The following TEAD1 variants were observed in gnomAD, a reference collection of about 807,000 sequenced individuals.
TEAD1 encodes TEA domain transcription factor 1, also known as transcriptional enhancer factor TEF-1.
A neutral mutation model predicts 54.9 loss-of-function variants in TEAD1; 9 were observed. The ratio of observed to expected loss-of-function variants is 0.16; its 90% CI spans 0.10 to 0.29. TEAD1 has a LOEUF of 0.29. TEAD1 is among the 10% of genes least tolerant of loss of function. TEAD1 has a pLI of 1.00. For synonymous variants in TEAD1, 200 were observed against 187.8 expected (o/e 1.07, Z -0.53); for missense variants, 387 against 535.9 (o/e 0.72, Z 2.74).
chr11:12,743,451 T>C (rs550310100), intron 2 of TEAD1, among the ~76,000 whole-genome samples: 185 of 152,328 alleles, frequency 1.2e-3, no homozygotes, highest in African/African-American at 4.1e-3. Context: ...TTTAAGCAGA[T>C]AGCTTTTATC....
At chr11:12,775,223 CAG>C (rs1491317486) in intron 3 of TEAD1, among the ~76,000 whole-genome samples, 2 of 152,048 alleles carry the variant, frequency 1.3e-5, no homozygotes, top group East Asian at 1.9e-4. Context: ...TGTCAAAGAA[CAG>C]GGGGACGGGG....
At chr11:12,930,371 G>T in intron 12 of TEAD1, 45 bp downstream of exon 12, 1 of 1,612,702 alleles carries the variant, frequency 6.2e-7, no homozygotes, top group East Asian at 2.2e-5. Flanking sequence ...GCTGCCATGA[G>T]GCTTGACAGA....
At chr11:12,854,653 G>T (rs1018371723) in intron 3 of TEAD1, among the ~76,000 whole-genome samples, 9 of 151,944 alleles carry the variant, frequency 5.9e-5, no homozygotes, top group African/African-American at 2.2e-4. Flanking sequence ...GTACAGTGGT[G>T]TGATCTTGGC....
intron 2 of TEAD1, among the ~76,000 whole-genome samples, chr11:12,712,717 T>A (rs1943969730): frequency 6.6e-6 from 1 of 151,894 alleles, no homozygotes; most frequent in South Asian, 2.1e-4. Context: ...TAATAGGGAG[T>A]AAAATGAGAG....
At chr11:12,709,048 G>C (rs556486041) in intron 2 of TEAD1, among the ~76,000 whole-genome samples, 1 of 152,190 alleles carries the variant, frequency 6.6e-6, no homozygotes, top group African/African-American at 2.4e-5. Context: ...TAAAACCATA[G>C]TAATTTGGGC....
chr11:12,706,383 A>G (rs1026814271), intron 2 of TEAD1, among the ~76,000 whole-genome samples: 1 of 152,236 alleles, frequency 6.6e-6, no homozygotes, highest in African/African-American at 2.4e-5. Context: ...AAGGTTAAAT[A>G]GGTACCATTT....
chr11:12,895,032 A>C (rs1376658493), intron 9 of TEAD1, among the ~76,000 whole-genome samples: 2 of 152,154 alleles, frequency 1.3e-5, no homozygotes, highest in Non-Finnish European at 2.9e-5. Flanking sequence ...TGACTCAGTT[A>C]GGAAGTGGTG....
chr11:12,839,303 C>A (rs938466428), intron 3 of TEAD1, among the ~76,000 whole-genome samples: 2 of 151,966 alleles, frequency 1.3e-5, no homozygotes, highest in African/African-American at 4.8e-5. Flanking sequence ...CCCAGCTGCT[C>A]GGGAGGCTGA....
At chr11:12,838,211 A>C (rs971663043) in intron 3 of TEAD1, among the ~76,000 whole-genome samples, 1 of 152,166 alleles carries the variant, frequency 6.6e-6, no homozygotes, top group African/African-American at 2.4e-5. Context: ...CCTTTTGTGA[A>C]ACTTGTAATA....
At chr11:12,928,307 G>T (rs1209023076) in intron 11 of TEAD1, among the ~76,000 whole-genome samples, 4 of 148,856 alleles carry the variant, frequency 2.7e-5, no homozygotes, top group African/African-American at 9.9e-5. Flanking sequence ...TTGAGATGGG[G>T]TCTCACTCTG....
chr11:12,857,048 T>A (rs1057344104), intron 3 of TEAD1, among the ~76,000 whole-genome samples: 2 of 152,194 alleles, frequency 1.3e-5, no homozygotes, highest in East Asian at 3.9e-4. Context: ...TAACCAGTCT[T>A]CTATCTGGTA....
chr11:12,890,175 T>C (rs917006271), intron 9 of TEAD1, among the ~76,000 whole-genome samples: 1 of 152,206 alleles, frequency 6.6e-6, no homozygotes, highest in Non-Finnish European at 1.5e-5. Flanking sequence ...CCAAAAACGG[T>C]GACTGTGCCA....
chr11:12,937,258 C>A lies in TEAD1; in HGVS notation c.*36C>A. On this transcript the variant is annotated 3_prime_UTR_variant, in exon 13 of 13. Coordinates refer to ENST00000527636, the MANE Select transcript of TEAD1 (RefSeq NM_021961.6). Reference sequence around the variant, plus strand: ...TTATATATATAGATATCTGTATATACACACACACATATGTGCACACACACA... The same window carrying A: ...TTATATATATAGATATCTGTATATAAACACACACATATGTGCACACACACA... 1 of 1,314,118 alleles carries A rather than the reference C, an allele frequency of 7.6e-7. No homozygotes were observed. The highest frequency in any genetic ancestry group is 1.1e-6 in the Non-Finnish European group (1 of 914,836). 81.4% of individuals were successfully genotyped at this position (1,314,118 alleles called of 1,614,324 possible). A position where few individuals can be genotyped will look rare whatever the true frequency, so the allele number is the denominator to read the frequency against.
intron 2 of TEAD1, among the ~76,000 whole-genome samples, chr11:12,738,874 A>C (rs529808868): frequency 1.8e-4 from 28 of 152,264 alleles, no homozygotes; most frequent in African/African-American, 6.7e-4. Flanking sequence ...CCAGTAAGAC[A>C]AGGTTGCTGC....
intron 2 of TEAD1, among the ~76,000 whole-genome samples, chr11:12,746,640 C>CT (rs1448511060): frequency 6.6e-6 from 1 of 152,058 alleles, no homozygotes; most frequent in African/African-American, 2.4e-5. Context: ...AAAGGTCTTC[C>CT]TTTTTTTTCT....
intron 2 of TEAD1, among the ~76,000 whole-genome samples, chr11:12,731,529 A>G (rs556333120): frequency 2.3e-4 from 35 of 152,300 alleles, no homozygotes; most frequent in South Asian, 6.2e-4. Flanking sequence ...TTTTATTAAT[A>G]TCTTTAATAT....
chr11:12,740,506 G>A (rs1042680349), intron 2 of TEAD1, among the ~76,000 whole-genome samples: 4 of 152,166 alleles, frequency 2.6e-5, no homozygotes, highest in Admixed American at 6.5e-5. Flanking sequence ...ATACCTGAAC[G>A]TGGGTAATTT....
intron 2 of TEAD1, among the ~76,000 whole-genome samples, chr11:12,722,744 T>C (rs1449578314): frequency 6.6e-6 from 1 of 151,794 alleles, no homozygotes; most frequent in African/African-American, 2.4e-5. Flanking sequence ...CTCAGTACCC[T>C]AACACAACTG....
At chr11:12,901,795 C>A in intron 9 of TEAD1, 145 bp from the exon 10 acceptor site, 1 of 894,566 alleles carries the variant, frequency 1.1e-6, no homozygotes, top group South Asian at 1.4e-5. Context: ...TCTAAACATA[C>A]TCATCATTTC....
Sources: allele counts gnomAD v4.1 joint callset (sites outside exome capture counted in the v4.1 genomes callset), GRCh38; gene constraint gnomAD v4.1.1; transcripts MANE v1.5; gene names NCBI Gene and HGNC (gene_info 2026-07-23, HGNC 2026-07-21).